Variants in EPHA3 observed in about 807,000 individuals in gnomAD.
EPHA3 encodes ephrin type-A receptor 3.
Under a neutral mutation model 107.1 loss-of-function variants are expected in EPHA3, and 42 were observed. That is an observed-to-expected ratio of 0.39 (90% CI 0.31 to 0.51). The LOEUF is 0.51. Among genes scored for constraint, EPHA3 ranks in the 20% least tolerant of loss-of-function variants. EPHA3 has a pLI of 0.78. For missense variants in EPHA3, 1,183 were observed against 1,211.2 expected, an observed-to-expected ratio of 0.98 and a Z score of 0.35; for synonymous variants, 461 against 424.8, an observed-to-expected ratio of 1.09 and a Z score of -1.05.
intron 10 of EPHA3, among the ~76,000 whole-genome samples, chr3:89,417,266 A>T (rs1371665551): frequency 4.0e-5 from 6 of 151,538 alleles, no homozygotes; most frequent in African/African-American, 1.5e-4. Context: ...AATATGTGGC[A>T]GAGTCAGAAT....
intron 5 of EPHA3, among the ~76,000 whole-genome samples, chr3:89,351,132 T>C (rs1422343783): frequency 1.3e-5 from 2 of 151,274 alleles, no homozygotes; most frequent in African/African-American, 4.8e-5. Flanking sequence ...CCTTGAACTG[T>C]GGTGGGCTCC....
chr3:89,354,743 A>C (rs1185909789), intron 5 of EPHA3, among the ~76,000 whole-genome samples: 1 of 151,068 alleles, frequency 6.6e-6, no homozygotes, highest in Non-Finnish European at 1.5e-5. Context: ...CCTTTATGTA[A>C]TTATCTTATT....
chr3:89,301,680 C>T (rs1178434226), intron 3 of EPHA3, among the ~76,000 whole-genome samples: 1 of 152,012 alleles, frequency 6.6e-6, no homozygotes, highest in East Asian at 1.9e-4. Flanking sequence ...GTTAAGCATA[C>T]AATATCAGAG....
At chr3:89,456,137 T>A (rs1412477283) in intron 15 of EPHA3, among the ~76,000 whole-genome samples, 2 of 152,204 alleles carry the variant, frequency 1.3e-5, no homozygotes, top group Non-Finnish European at 2.9e-5. Context: ...CAGATTTTTT[T>A]AATAGACATT....
chr3:89,187,778 T>G (rs1055985659), intron 2 of EPHA3, among the ~76,000 whole-genome samples: 1 of 152,160 alleles, frequency 6.6e-6, no homozygotes, highest in African/African-American at 2.4e-5. Context: ...TAAACACTTA[T>G]CTGAGATAAT....
chr3:89,260,495 C>T (rs1045807101), intron 3 of EPHA3, among the ~76,000 whole-genome samples: 1 of 151,996 alleles, frequency 6.6e-6, no homozygotes, highest in African/African-American at 2.4e-5. Context: ...GGAGATATGC[C>T]TGTTTTGGTC....
chr3:89,398,158 T>C (rs984916710), intron 6 of EPHA3, among the ~76,000 whole-genome samples: 7 of 152,204 alleles, frequency 4.6e-5, no homozygotes, highest in South Asian at 2.1e-4. Flanking sequence ...GTATATGTAA[T>C]GTATGGCATG....
chr3:89,207,173 CT>C (rs1706125079), intron 2 of EPHA3, among the ~76,000 whole-genome samples: 2 of 152,054 alleles, frequency 1.3e-5, no homozygotes, highest in South Asian at 4.1e-4. Context: ...AAAATTTCCC[CT>C]AATGAGGCTT....
chr3:89,300,980 A>G (rs995355852), intron 3 of EPHA3, among the ~76,000 whole-genome samples: 4 of 152,130 alleles, frequency 2.6e-5, no homozygotes, highest in Non-Finnish European at 4.4e-5. Flanking sequence ...AGATGTCTTC[A>G]GCACTTTTGT....
chr3:89,155,515 G>T (rs188526757), intron 2 of EPHA3, among the ~76,000 whole-genome samples: 19 of 152,116 alleles, frequency 1.2e-4, no homozygotes, highest in East Asian at 1.2e-3. Flanking sequence ...TTGTAAGAAA[G>T]ATTTCAGATT....
chr3:89,148,721 C>A (rs1346391802), intron 2 of EPHA3, among the ~76,000 whole-genome samples: 1 of 151,768 alleles, frequency 6.6e-6, no homozygotes, highest in African/African-American at 2.4e-5. Flanking sequence ...TCCAGCATAC[C>A]CATCTTAGGA....
chr3:89,390,005 T>C (rs1207214960), intron 5 of EPHA3, among the ~76,000 whole-genome samples: 4 of 152,122 alleles, frequency 2.6e-5, no homozygotes, highest in African/African-American at 9.7e-5. Flanking sequence ...TTTTTAAATT[T>C]TTTTGAGACT....
chr3:89,408,714 A>G (rs1011385993), intron 9 of EPHA3, among the ~76,000 whole-genome samples: 32 of 152,220 alleles, frequency 2.1e-4, no homozygotes, highest in African/African-American at 7.7e-4. Flanking sequence ...ACAACTAACA[A>G]AAAGACTTTT....
chr3:89,386,796 G>A (rs2107492706), intron 5 of EPHA3, among the ~76,000 whole-genome samples: 1 of 152,338 alleles, frequency 6.6e-6, no homozygotes. Flanking sequence ...AAGGCTGTGG[G>A]AGCCCATCTC....
chr3:89,166,896 T>G (rs1400408068), intron 2 of EPHA3, among the ~76,000 whole-genome samples: 3 of 152,160 alleles, frequency 2.0e-5, no homozygotes, highest in Admixed American at 6.6e-5. Flanking sequence ...CCAGCAAGTA[T>G]GATGTATTAT....
At chr3:89,428,410 G>T (rs1709498651) in intron 11 of EPHA3, among the ~76,000 whole-genome samples, 1 of 151,916 alleles carries the variant, frequency 6.6e-6, no homozygotes, top group African/African-American at 2.4e-5. Context: ...TTAAAATGCT[G>T]GGTTAAAGGT....
At chr3:89,196,423 TTTCAA>T (rs1178151112) in intron 2 of EPHA3, among the ~76,000 whole-genome samples, 7 of 111,734 alleles carry the variant, frequency 6.3e-5, no homozygotes, top group South Asian at 3.0e-4. Context: ...TGAGGAGAGA[TTTCAA>T]GTCATAGATT....
chr3:89,370,998 A>G lies in EPHA3; in HGVS notation c.1307-24839A>G, dbSNP rs184281332. Among the ~76,000 whole-genome samples, 9 of 151,800 alleles carry G rather than the reference A, an allele frequency of 5.9e-5. No individual in the cohort carries two copies. In the East Asian group the frequency reaches 1.7e-3, roughly 29 times the overall value. On this transcript the variant is annotated intron_variant, in intron 5 of 16. Coordinates refer to ENST00000336596, the MANE Select transcript of EPHA3 (RefSeq NM_005233.6). Reference sequence around the variant, plus strand: ...GGATATAAAGTAAGAAAATAAAAGAACTACCAAGGAATTTTTAAAGTGAAT... The same window carrying G: ...GGATATAAAGTAAGAAAATAAAAGAGCTACCAAGGAATTTTTAAAGTGAAT...
chr3:89,204,587 G>T (rs1419382783), intron 2 of EPHA3, among the ~76,000 whole-genome samples: 3 of 137,562 alleles, frequency 2.2e-5, no homozygotes, highest in Non-Finnish European at 4.7e-5. Context: ...TATACCTTTA[G>T]AAATATATAT....
Sources: gnomAD v4.1 joint callset for allele counts (sites outside exome capture counted in the v4.1 genomes callset) on GRCh38, gnomAD v4.1.1 for gene constraint, MANE v1.5 for transcripts, NCBI Gene and HGNC (gene_info 2026-07-23, HGNC 2026-07-21) for gene names.